The following EIF2B3 variants were observed in gnomAD, a reference collection of about 807,000 sequenced individuals.
EIF2B3 encodes eukaryotic translation initiation factor 2B subunit gamma.
In EIF2B3, 20 loss-of-function variants were observed where a neutral mutation model predicts 54.1. The ratio of observed to expected loss-of-function variants is 0.37; its 90% confidence interval spans 0.26 to 0.54. The LOEUF (loss-of-function observed/expected upper bound fraction) is 0.54, where lower values mean the gene tolerates loss of function less well. EIF2B3 is among the 20% of genes least tolerant of loss of function. EIF2B3 has a pLI of 0.86. For missense variants in EIF2B3, 448 were observed against 547.8 expected (o/e 0.82, Z 1.82); for synonymous variants, 153 against 188.1 (o/e 0.81, Z 1.52).
At chr1:44,946,636 T>G (rs11806487) in intron 3 of EIF2B3, among the ~76,000 whole-genome samples, 239 of 150,114 alleles carry the variant, frequency 1.6e-3, no homozygotes, top group African/African-American at 5.2e-3. Context: ...TCTTTTTTTT[T>G]TTTTTTTGTA....
At chr1:44,861,272 A>T (rs1654603055) in intron 10 of EIF2B3, among the ~76,000 whole-genome samples, 1 of 152,340 alleles carries the variant, frequency 6.6e-6, no homozygotes, top group African/African-American at 2.4e-5. Flanking sequence ...AAGGGGTAAT[A>T]GGGAAGTATA....
At chr1:44,852,260 G>C (rs1654296230) in intron 11 of EIF2B3, among the ~76,000 whole-genome samples, 3 of 151,612 alleles carry the variant, frequency 2.0e-5, no homozygotes, top group Non-Finnish European at 2.9e-5. Context: ...CACCGCACTT[G>C]GCCCTGTTTT....
In EIF2B3 at chr1:44,881,113, G is replaced by A. The variant is rs1218380460; in HGVS notation, c.784+499C>T. On this transcript the variant is annotated intron_variant, in intron 7 of 11. Coordinates refer to ENST00000360403, the MANE Select transcript of EIF2B3 (RefSeq NM_020365.5). The surrounding 1 kb of genome is among the most constrained non-coding windows in gnomAD (Gnocchi z 4.0). Reference sequence around the variant, plus strand: ...AATACTTTTTCAGAATATCTACTATGAGTCCACGACTGGGCCGGGGATTAG... The same window carrying A: ...AATACTTTTTCAGAATATCTACTATAAGTCCACGACTGGGCCGGGGATTAG... 6.6e-6 allele frequency among the ~76,000 whole-genome samples: 1 copy of A among 152,134 alleles called. No homozygotes were observed. Among genetic ancestry groups the A allele is most frequent in the African/African-American group, 2.4e-5 (1 of 41,428 alleles).
At chr1:44,984,140 C>T (rs967365759) in intron 1 of EIF2B3, among the ~76,000 whole-genome samples, 1 of 152,020 alleles carries the variant, frequency 6.6e-6, no homozygotes, top group Non-Finnish European at 1.5e-5. Flanking sequence ...GAGCACACCA[C>T]TCGCACTTCA....
intron 6 of EIF2B3, among the ~76,000 whole-genome samples, chr1:44,882,928 C>CTTTTTTTTTTTTTTTTT (rs1003449669): frequency 5.2e-5 from 6 of 114,456 alleles, no homozygotes; most frequent in East Asian, 2.5e-4. Context: ...TTTTCTTTTT[C>CTTTTTTTTTTTTTTTTT]TTTTTTTTTT....
chr1:44,850,585 AG>A lies in EIF2B3; in HGVS notation c.*365del. On this transcript the variant is annotated 3_prime_UTR_variant, in exon 12 of 12. Transcript: ENST00000360403. ...TAGGATAAGGGACTGAAGTACTCCCAGGTCCTTTTAGGTGAGGGATACTTTC... is the reference window on the plus strand; with the variant it reads ...TAGGATAAGGGACTGAAGTACTCCCAGTCCTTTTAGGTGAGGGATACTTTC... The A allele has an allele frequency of 3.1e-6, 1 of 327,430 alleles. No homozygotes were observed. Among genetic ancestry groups the A allele is most frequent in the East Asian group, 7.3e-5 (1 of 13,766 alleles). The allele number at this position is 327,430 out of a possible 1,614,324, so 20.3% of individuals were successfully genotyped here.
rs1654249878 is a variant in EIF2B3 at position 44,850,981 on chromosome 1, G to A, written c.1329C>T (p.Ile443=). ...EAKAKRVNEV[I]VGNDQLMEI is the part of the protein sequence containing the mutation. ...TCTCCATGAGCTGGTCATTCCCCAC[G>A]ATCACCTCATTCACTCGTTTAGCTA... The change falls in exon 12 of 12, where the codon ATC becomes ATT. Residue 443 remains isoleucine, a synonymous_variant. Coordinates refer to ENST00000360403, the MANE Select transcript of EIF2B3 (RefSeq NM_020365.5). 3.1e-6 allele frequency: 5 copies of A among 1,613,864 alleles called. No homozygotes were observed. Among genetic ancestry groups the A allele is most frequent in the Admixed American group, 1.7e-5 (1 of 59,990 alleles).
At chr1:44,902,803 G>C (rs891632730) in intron 5 of EIF2B3, among the ~76,000 whole-genome samples, 5 of 135,262 alleles carry the variant, frequency 3.7e-5, no homozygotes, top group Admixed American at 8.1e-5. Flanking sequence ...ACTCCAGCCT[G>C]GGCAACAGAA....
At position 44,875,669 on chromosome 1, in the gene EIF2B3, A is replaced by T; in HGVS notation, c.1002T>A (p.Cys334Ter). The T allele has an allele frequency of 6.2e-7, 1 of 1,614,166 alleles. No homozygotes were observed. Among genetic ancestry groups the T allele is most frequent in the Non-Finnish European group, 8.5e-7 (1 of 1,180,028 alleles). Residue 334 changes from cysteine (C) to a stop codon, truncating the protein, a stop_gained, in exon 9 of 12, where the codon TGT becomes TGA. Coordinates refer to ENST00000360403, the MANE Select transcript of EIF2B3 (RefSeq NM_020365.5). LOFTEE classifies it high-confidence loss of function. ...ACGAATGGACTGGTGGTTCTTCTGGACAGAGAGCAGACAGCAATTTGGGCA... is the reference window on the plus strand; with the variant it reads ...ACGAATGGACTGGTGGTTCTTCTGGTCAGAGAGCAGACAGCAATTTGGGCA... ...RQVPKLLSAL[C>*]PEEPPVHSSA...
chr1:44,982,489 G>A (rs948680419), intron 1 of EIF2B3, among the ~76,000 whole-genome samples: 2 of 151,978 alleles, frequency 1.3e-5, no homozygotes, highest in African/African-American at 4.8e-5. Flanking sequence ...GTAGAGATGG[G>A]GTTTCACCAT....
rs192375729 is a variant in EIF2B3 at position 44,951,811 on chromosome 1, G to A, written c.295-10146C>T. 4.2e-3 allele frequency among the ~76,000 whole-genome samples: 602 copies of A among 142,768 alleles called. 20 individuals carry two copies. The highest frequency in any genetic ancestry group is 0.039 in the Admixed American group (547 of 14,120). The allele number at this position is 142,768 out of a possible 152,430, so 93.7% of individuals were successfully genotyped here. A position where few individuals can be genotyped will look rare whatever the true frequency, so the allele number is the denominator to read the frequency against. ...TTCCTCTTTTTTTTTTTTTTGAGAC[G>A]GGGTCTCGCTCTGTCACCCAGGCTG... is the stretch of plus-strand genomic sequence containing the variant. On this transcript the variant is annotated intron_variant, in intron 3 of 11. Transcript: ENST00000360403.
intron 5 of EIF2B3, among the ~76,000 whole-genome samples, chr1:44,914,986 G>A (rs900197287): frequency 4.7e-5 from 7 of 147,762 alleles, no homozygotes; most frequent in Admixed American, 1.4e-4. Flanking sequence ...ACCATGCCCC[G>A]CCCATTATTT....
intron 6 of EIF2B3, among the ~76,000 whole-genome samples, chr1:44,886,973 C>T (rs1301376856): frequency 6.6e-6 from 1 of 152,180 alleles, no homozygotes; most frequent in Admixed American, 6.5e-5. Context: ...GCTTTAACAA[C>T]CCCAGGAGCG....
intron 5 of EIF2B3, among the ~76,000 whole-genome samples, chr1:44,906,539 T>C (rs1436200876): frequency 6.6e-6 from 1 of 152,162 alleles, no homozygotes; most frequent in Non-Finnish European, 1.5e-5. Flanking sequence ...TAGCTGGGAT[T>C]ACAGGCATGC....
intron 5 of EIF2B3, among the ~76,000 whole-genome samples, chr1:44,910,537 T>G (rs1643490120): frequency 6.6e-6 from 1 of 152,086 alleles, no homozygotes; most frequent in South Asian, 2.1e-4. Context: ...ATGACTAGCT[T>G]GCTGGGGAGG....
intron 1 of EIF2B3, among the ~76,000 whole-genome samples, chr1:44,986,143 T>C (rs6696941): frequency 5.4e-4 from 60 of 110,098 alleles, no homozygotes; most frequent in Non-Finnish European, 6.6e-4. Context: ...CTTTTCTTTT[T>C]TTTTTTTTTT....
At chr1:44,936,643 T>G (rs1462214201) in intron 4 of EIF2B3, among the ~76,000 whole-genome samples, 1 of 152,130 alleles carries the variant, frequency 6.6e-6, no homozygotes, top group Non-Finnish European at 1.5e-5. Context: ...CATTTGTCAC[T>G]ATGAGTTTCC....
intron 3 of EIF2B3, among the ~76,000 whole-genome samples, chr1:44,971,606 A>G (rs1229053043): frequency 6.6e-6 from 1 of 152,222 alleles, no homozygotes; most frequent in Non-Finnish European, 1.5e-5. Context: ...GAGCAAAGAA[A>G]GTTTACACAT....
chr1:44,944,213 G>A (rs958517571), intron 3 of EIF2B3, among the ~76,000 whole-genome samples: 14 of 152,126 alleles, frequency 9.2e-5, no homozygotes, highest in African/African-American at 3.1e-4. Flanking sequence ...TCCCAGAGGT[G>A]CCTCAGGGAA....
Sources: allele counts gnomAD v4.1 joint callset (sites outside exome capture counted in the v4.1 genomes callset), GRCh38; gene constraint gnomAD v4.1.1; non-coding constraint Gnocchi (gnomAD v3.1); transcripts MANE v1.5; gene names NCBI Gene and HGNC (gene_info 2026-07-23, HGNC 2026-07-21).